The following NEBL variants were observed in gnomAD, a reference collection of about 807,000 sequenced individuals.
The protein encoded by NEBL is LIM and SH3 protein 2.
NEBL carries 122 observed loss-of-function variants against 140.2 expected under a neutral mutation model. That is an observed-to-expected ratio of 0.87 (90% CI 0.75 to 1.01). The LOEUF is 1.01. Ranked by LOEUF, NEBL falls within the 50% of genes least tolerant of loss-of-function variation. The probability of loss-of-function intolerance (pLI) is 0.00; values close to 1 mark genes in which losing one functional copy is unlikely to be tolerated. For missense variants in NEBL, 1,365 were observed against 1,231.3 expected (o/e 1.11, Z -1.62); for synonymous variants, 436 against 398.9 (o/e 1.09, Z -1.11).
chr10:20,930,827 A>G (rs1440378255), intron 4 of NEBL, among the ~76,000 whole-genome samples: 1 of 152,226 alleles, frequency 6.6e-6, no homozygotes, highest in Non-Finnish European at 1.5e-5. Flanking sequence ...CCATACCATA[A>G]GGTTTGCCTA....
At chr10:21,143,866 G>GAA (rs796270631) in intron 2 of NEBL, among the ~76,000 whole-genome samples, 1 of 121,512 alleles carries the variant, frequency 8.2e-6, no homozygotes, top group Admixed American at 8.1e-5. Flanking sequence ...GACAAGAAAA[G>GAA]AAAAAAAAAA....
rs146367045 is a variant in NEBL, at chr10:21,196,963, A to AT, written n.349-24487dup. Among the ~76,000 whole-genome samples, 751 of 152,128 alleles carry AT rather than the reference A, an allele frequency of 4.9e-3. 3 individuals carry two copies. Among genetic ancestry groups the AT allele is most frequent in the Admixed American group, 0.015 (236 of 15,266 alleles). On this transcript the variant is annotated intron_variant and non_coding_transcript_variant, in intron 3 of 8. Transcript: ENST00000675702. ...TGACAGCATTTTTCATGAAGTGCGA[A>AT]TTTTTTTTCTCGGATGTTATTTCGT...
chr10:20,790,808 G>T (rs948423523), intron 26 of NEBL, among the ~76,000 whole-genome samples: 2 of 152,116 alleles, frequency 1.3e-5, no homozygotes, highest in African/African-American at 4.8e-5. Context: ...TTCACATTTG[G>T]TTCACTGAGA....
At chr10:21,264,642 T>A (rs1026832706) in intron 1 of NEBL, among the ~76,000 whole-genome samples, 1 of 138,418 alleles carries the variant, frequency 7.2e-6, no homozygotes, top group Non-Finnish European at 1.5e-5. Context: ...GACCAGAGTA[T>A]ACTTTCTGTT....
At position 20,850,403 on chromosome 10, in the gene NEBL, G is replaced by T. The variant is rs146198369; in HGVS notation, c.1108C>A (p.Gln370Lys). The T allele has an allele frequency of 4.1e-4, 658 of 1,596,686 alleles. 5 individuals carry two copies. In the South Asian group the frequency reaches 6.7e-3, roughly 16 times the overall value. ...CAAACTAATTGACCTACTTCACTTT[G>T]CATCTTTTGAGCCTCCTTTGAAGCT... is the stretch of plus-strand genomic sequence containing the variant. Reference protein sequence around the residue: ...YQASKEAQKMQSEKVYKEDFE... With the variant: ...YQASKEAQKMKSEKVYKEDFE... Residue 370 changes from glutamine to lysine, a missense_variant, in exon 11 of 28, where the codon CAA becomes AAA. Physicochemically the swap from Gln to Lys is moderately conservative, Grantham distance 53. Around this residue, in one of 2 missense-constraint regions of NEBL, gnomAD observed 1,323 missense variants for 1,154.8 expected, o/e 1.15. Transcript: ENST00000377122.
chr10:21,152,022 G>A (rs1248910911), intron 2 of NEBL, among the ~76,000 whole-genome samples: 2 of 152,136 alleles, frequency 1.3e-5, no homozygotes, highest in African/African-American at 2.4e-5. Context: ...TGGTTCATAG[G>A]ACAGGCTCTT....
intron 27 of NEBL, among the ~76,000 whole-genome samples, chr10:20,786,642 G>T (rs1835429935): frequency 6.6e-6 from 1 of 152,156 alleles, no homozygotes; most frequent in African/African-American, 2.4e-5. Flanking sequence ...CAGTGTAGAA[G>T]AGTTTTCTAG....
chr10:21,097,460 A>C (rs866730431), intron 2 of NEBL, among the ~76,000 whole-genome samples: 6 of 152,138 alleles, frequency 3.9e-5, no homozygotes, highest in Admixed American at 6.5e-5. Context: ...CTCTGTCCCC[A>C]AAAAAATACA....
At chr10:21,064,835 G>A (rs1835463165) in intron 2 of NEBL, among the ~76,000 whole-genome samples, 1 of 151,898 alleles carries the variant, frequency 6.6e-6, no homozygotes, top group African/African-American at 2.4e-5. Context: ...ATGGTGAGAG[G>A]TGCCATAAAG....
intron 26 of NEBL, among the ~76,000 whole-genome samples, chr10:20,796,913 G>A (rs1012337545): frequency 3.3e-5 from 5 of 152,124 alleles, no homozygotes; most frequent in African/African-American, 7.2e-5. Context: ...ACATGAACAC[G>A]TGTGAGCTAT....
rs1413864354 is a variant in NEBL, at chr10:21,173,201, G to A, written c.69+564C>T. On this transcript the variant is annotated intron_variant, in intron 1 of 6. Coordinates refer to the NEBL transcript ENST00000417816. This position sits in a 1 kb window ranked among gnomAD's most constrained non-coding sequence, Gnocchi z 5.7. ...CTACTTCCCCTGGAATTCCCCACCC[G>A]GTGGATTAGACACCCGTGGGTCCGG... Among the ~76,000 whole-genome samples, 2 of 152,186 alleles carry A rather than the reference G, an allele frequency of 1.3e-5. No individual in the cohort carries two copies. The highest frequency in any genetic ancestry group is 2.9e-5 in the Non-Finnish European group (2 of 68,028).
chr10:20,825,220 T>C (rs1010262989), intron 18 of NEBL, among the ~76,000 whole-genome samples: 2 of 152,218 alleles, frequency 1.3e-5, no homozygotes, highest in Non-Finnish European at 2.9e-5. Flanking sequence ...TGCTGCATAA[T>C]GACCAAGTGA....
chr10:21,042,117 C>T (rs966895064), intron 2 of NEBL, among the ~76,000 whole-genome samples: 6 of 152,186 alleles, frequency 3.9e-5, no homozygotes, highest in African/African-American at 1.4e-4. Flanking sequence ...ACTTCCAAAG[C>T]TCTAATGCTA....
chr10:21,082,931 T>A (rs1836453857), intron 2 of NEBL, among the ~76,000 whole-genome samples: 1 of 151,872 alleles, frequency 6.6e-6, no homozygotes, highest in African/African-American at 2.4e-5. Context: ...CCTGGCTAAT[T>A]TTTGAATTTT....
chr10:21,066,470 C>T (rs1424857091), intron 2 of NEBL, among the ~76,000 whole-genome samples: 2 of 151,926 alleles, frequency 1.3e-5, no homozygotes, highest in African/African-American at 4.8e-5. Context: ...ACACAAGACA[C>T]GATTTAAAAT....
At chr10:21,014,777 TA>T (rs1838488072) in intron 3 of NEBL, among the ~76,000 whole-genome samples, 1 of 152,208 alleles carries the variant, frequency 6.6e-6, no homozygotes, top group Non-Finnish European at 1.5e-5. Flanking sequence ...AGGTTTATAC[TA>T]AACACGTGCC....
chr10:21,028,232 T>C (rs1833595911), intron 2 of NEBL, among the ~76,000 whole-genome samples: 1 of 7,480 alleles, frequency 1.3e-4, no homozygotes, highest in Non-Finnish European at 2.9e-4. Context: ...ATCTCAAACA[T>C]CTCAAAAAAA....
chr10:20,899,788 T>G (rs1847771768), upstream of NEBL: 2 of 171,538 alleles, frequency 1.2e-5, no homozygotes, highest in South Asian at 2.7e-4. Flanking sequence ...TAAAATATTC[T>G]TCATACTAAG....
intron 2 of NEBL, among the ~76,000 whole-genome samples, chr10:21,141,236 C>G (rs950891255): frequency 6.6e-6 from 1 of 152,056 alleles, no homozygotes; most frequent in Admixed American, 6.5e-5. Context: ...TGAACGAGGT[C>G]TGTAGATTAG....
Sources: gnomAD v4.1 joint callset for allele counts (sites outside exome capture counted in the v4.1 genomes callset) on GRCh38, gnomAD v4.1.1 for gene constraint, gnomAD v4.1.1 regional missense constraint, Gnocchi (gnomAD v3.1) non-coding constraint, MANE v1.5 for transcripts, NCBI Gene and HGNC (gene_info 2026-07-23, HGNC 2026-07-21) for gene names.